The following ATP6V1H variants were observed in gnomAD, a reference collection of about 807,000 sequenced individuals.
The protein encoded by ATP6V1H is V-type proton ATPase subunit H.
Under a neutral mutation model 71.7 loss-of-function variants are expected in ATP6V1H, and 39 were observed. That is an observed-to-expected ratio of 0.54 (90% confidence interval 0.42 to 0.71). The LOEUF (loss-of-function observed/expected upper bound fraction) is 0.71. Among genes scored for constraint, ATP6V1H ranks in the 30% least tolerant of loss-of-function variants. ATP6V1H has a pLI of 0.00. For synonymous variants in ATP6V1H, 192 were observed against 199.3 expected (o/e 0.96, Z 0.31); for missense variants, 509 against 594.9 (o/e 0.86, Z 1.50).
At chr8:53,807,034 C>T (rs1283043583) in intron 7 of ATP6V1H, among the ~76,000 whole-genome samples, 3 of 152,158 alleles carry the variant, frequency 2.0e-5, no homozygotes, top group African/African-American at 7.2e-5. Flanking sequence ...CACAACTCAC[C>T]AGCTACAGCA....
chr8:53,764,516 A>G (rs1808381974), intron 11 of ATP6V1H, among the ~76,000 whole-genome samples: 1 of 152,030 alleles, frequency 6.6e-6, no homozygotes, highest in Non-Finnish European at 1.5e-5. Flanking sequence ...AGAGGGAAAC[A>G]TTCTCAACTT....
At chr8:53,771,264 G>A (rs919106086) in intron 10 of ATP6V1H, among the ~76,000 whole-genome samples, 2 of 152,192 alleles carry the variant, frequency 1.3e-5, no homozygotes, top group East Asian at 1.9e-4. Flanking sequence ...ATCCACCCAA[G>A]AGAAGTTTCT....
At chr8:53,781,989 T>C (rs1055019806) in intron 9 of ATP6V1H, among the ~76,000 whole-genome samples, 2 of 152,260 alleles carry the variant, frequency 1.3e-5, no homozygotes, top group South Asian at 2.1e-4. Flanking sequence ...CCTCCAGCTT[T>C]GTTCTTTTGG....
intron 9 of ATP6V1H, among the ~76,000 whole-genome samples, chr8:53,788,776 A>G (rs1229016918): frequency 6.6e-6 from 1 of 152,182 alleles, no homozygotes; most frequent in African/African-American, 2.4e-5. Flanking sequence ...CTACTGCGCC[A>G]TTATGAAACA....
At chr8:53,751,906 G>A (rs1807812215) in intron 12 of ATP6V1H, among the ~76,000 whole-genome samples, 2 of 152,116 alleles carry the variant, frequency 1.3e-5, no homozygotes, top group African/African-American at 2.4e-5. Context: ...CTGACCTCGT[G>A]ATCTGCCCAC....
intron 13 of ATP6V1H, among the ~76,000 whole-genome samples, chr8:53,730,810 CTT>C (rs1806989222): frequency 6.6e-6 from 1 of 152,092 alleles, no homozygotes; most frequent in Non-Finnish European, 1.5e-5. Flanking sequence ...TCTTTCCACT[CTT>C]CCCTTTTCCA....
chr8:53,794,343 A>T (rs1239123609), intron 9 of ATP6V1H, among the ~76,000 whole-genome samples: 1 of 152,150 alleles, frequency 6.6e-6, no homozygotes, highest in Non-Finnish European at 1.5e-5. Context: ...TTTGCAATAC[A>T]TCTGTACCAC....
intron 7 of ATP6V1H, among the ~76,000 whole-genome samples, chr8:53,802,709 G>T (rs1373510041): frequency 1.3e-5 from 2 of 152,014 alleles, no homozygotes; most frequent in Admixed American, 1.3e-4. Flanking sequence ...GACAGAGTGA[G>T]ACTCTGTCTC....
At chr8:53,813,009 T>C (rs974392715) in intron 6 of ATP6V1H, among the ~76,000 whole-genome samples, 2 of 152,190 alleles carry the variant, frequency 1.3e-5, no homozygotes, top group African/African-American at 4.8e-5. Context: ...ATGAAGTTTA[T>C]TTAAAGGGAG....
chr8:53,831,333 T>C (rs1027744290), intron 3 of ATP6V1H, among the ~76,000 whole-genome samples: 4 of 152,206 alleles, frequency 2.6e-5, no homozygotes, highest in African/African-American at 9.6e-5. Context: ...CTGAATACTA[T>C]AGGCAACTGT....
At chr8:53,827,302 G>A (rs1358210392) in intron 4 of ATP6V1H, among the ~76,000 whole-genome samples, 2 of 151,886 alleles carry the variant, frequency 1.3e-5, no homozygotes, top group African/African-American at 2.4e-5. Context: ...AGAATCACTT[G>A]AACCCAGGGG....
chr8:53,842,378 T>C (rs902477125), intron 1 of ATP6V1H: 1 of 152,168 alleles, frequency 6.6e-6, no homozygotes, highest in African/African-American at 2.4e-5. Flanking sequence ...AATAATGAAA[T>C]TCTATGTAAT....
chr8:53,792,508 A>G (rs1450566317), intron 9 of ATP6V1H, among the ~76,000 whole-genome samples: 2 of 152,176 alleles, frequency 1.3e-5, no homozygotes, highest in Non-Finnish European at 2.9e-5. Context: ...CTGGTATTTT[A>G]AGCAAAGAAA....
intron 6 of ATP6V1H, among the ~76,000 whole-genome samples, chr8:53,814,296 C>T (rs1025471885): frequency 1.3e-5 from 2 of 152,102 alleles, no homozygotes; most frequent in African/African-American, 4.8e-5. Flanking sequence ...TCCTGCTGTA[C>T]CGTTTGTTTT....
chr8:53,812,106 C>G (rs1048556613), intron 6 of ATP6V1H, among the ~76,000 whole-genome samples: 2 of 152,096 alleles, frequency 1.3e-5, no homozygotes, highest in Non-Finnish European at 2.9e-5. Context: ...AACGAAGAGT[C>G]TGAATTTTAA....
intron 9 of ATP6V1H, among the ~76,000 whole-genome samples, chr8:53,789,615 C>A (rs993351560): frequency 6.6e-6 from 1 of 152,072 alleles, no homozygotes; most frequent in African/African-American, 2.4e-5. Context: ...AAGATACATT[C>A]TTTGAAACAA....
intron 11 of ATP6V1H, among the ~76,000 whole-genome samples, chr8:53,761,425 T>G (rs1389927180): frequency 2.6e-5 from 4 of 152,014 alleles, no homozygotes; most frequent in Non-Finnish European, 5.9e-5. Flanking sequence ...GGGAGTAATC[T>G]GAAGAAGCCA....
intron 9 of ATP6V1H, among the ~76,000 whole-genome samples, chr8:53,784,034 G>C (rs1051039641): frequency 8.5e-5 from 13 of 152,228 alleles, no homozygotes; most frequent in African/African-American, 3.1e-4. Context: ...TTGGGGTACA[G>C]AGTTCTGTAG....
In ATP6V1H at chr8:53,774,490, T is replaced by C. The variant is rs187873687; in HGVS notation, c.871-2323A>G. On this transcript the variant is annotated intron_variant, in intron 9 of 13. Coordinates refer to ENST00000359530, the MANE Select transcript of ATP6V1H (RefSeq NM_015941.4). ...TACTTCTGAATTTCTATCATGTTAC[T>C]ATTTTATCCTTTCATGTAAAACATT... Among the ~76,000 whole-genome samples, 338 of 152,356 alleles carry C rather than the reference T, an allele frequency of 2.2e-3. 2 individuals carry two copies. The highest frequency in any genetic ancestry group is 7.9e-3 in the African/African-American group (327 of 41,586).
Sources: gnomAD v4.1 joint callset for allele counts (sites outside exome capture counted in the v4.1 genomes callset) on GRCh38, gnomAD v4.1.1 for gene constraint, MANE v1.5 for transcripts, NCBI Gene and HGNC (gene_info 2026-07-23, HGNC 2026-07-21) for gene names.